Variants in DAB2 observed in about 807,000 individuals in gnomAD.
DAB2 encodes the protein DAB adaptor protein 2.
A neutral mutation model predicts 71.6 loss-of-function variants in DAB2; 28 were observed. The ratio of observed to expected loss-of-function variants is 0.39; its 90% CI spans 0.29 to 0.54. The LOEUF (loss-of-function observed/expected upper bound fraction) is 0.54. Among genes scored for constraint, DAB2 ranks in the 20% least tolerant of loss-of-function variants. DAB2 has a pLI of 0.68. For synonymous variants in DAB2, 345 were observed against 339.7 expected (o/e 1.02, Z -0.17); for missense variants, 867 against 928.8 (o/e 0.93, Z 0.86).
Position 39,394,238 on chromosome 5 carries a change from T to C in DAB2, c.83A>G (p.Lys28Arg). 6.2e-7 allele frequency: 1 copy of C among 1,613,996 alleles called. No homozygotes were observed. Among genetic ancestry groups the C allele is most frequent in the South Asian group, 1.1e-5 (1 of 91,072 alleles). ...AGTGGATTTCTCCATACCTTTCTTT[T>C]TTTCCTTCTTTGAGGGTGCTTTTGG... is the stretch of plus-strand genomic sequence containing the variant. Reference protein sequence around the residue: ...AAPKAPSKKEKKKGPEKTDEY... With the variant: ...AAPKAPSKKERKKGPEKTDEY... Residue 28 changes from lysine to arginine, a missense_variant, in exon 2 of 15, where the codon AAA (lysine) becomes AGA (arginine). Coordinates refer to ENST00000320816, the MANE Select transcript of DAB2 (RefSeq NM_001343.4).
intron 11 of DAB2, among the ~76,000 whole-genome samples, chr5:39,379,106 A>T (rs1208294134): frequency 1.3e-5 from 2 of 152,188 alleles, no homozygotes; most frequent in African/African-American, 4.8e-5. Context: ...ATGTTGGACA[A>T]CTTGTCTTCA....
At chr5:39,418,501 T>C (rs538875838) in intron 1 of DAB2, among the ~76,000 whole-genome samples, 9 of 152,192 alleles carry the variant, frequency 5.9e-5, no homozygotes, top group Admixed American at 6.5e-5. Flanking sequence ...GTGTTCAATA[T>C]GGACACAATT....
At chr5:39,417,563 A>G (rs1366926015) in intron 1 of DAB2, 1 of 152,136 alleles carries the variant, frequency 6.6e-6, no homozygotes, top group Admixed American at 6.5e-5. Context: ...ATTAACACCA[A>G]TGGCCTTTTT....
At chr5:39,390,608 G>T (rs767528697) in intron 4 of DAB2, 33 bp from the exon 5 acceptor site, 1 of 1,553,562 alleles carries the variant, frequency 6.4e-7, no homozygotes, top group Non-Finnish European at 8.8e-7. Context: ...AATTTATTAA[G>T]AAAACTAGAA....
chr5:39,398,387 A>G (rs1375678927), intron 1 of DAB2, among the ~76,000 whole-genome samples: 1 of 152,218 alleles, frequency 6.6e-6, no homozygotes, highest in East Asian at 1.9e-4. Context: ...CTGTTCAGAT[A>G]TTTAAATACA....
intron 1 of DAB2, among the ~76,000 whole-genome samples, chr5:39,402,283 G>A (rs927051201): frequency 1.3e-5 from 2 of 152,200 alleles, no homozygotes; most frequent in Admixed American, 6.5e-5. Context: ...CTAGGTCACA[G>A]AAGCTATGTG....
At chr5:39,392,586 T>G in intron 3 of DAB2, 123 bp from the exon 4 acceptor site, 1 of 680,306 alleles carries the variant, frequency 1.5e-6, no homozygotes. Flanking sequence ...GATGAGAGGA[T>G]TCGGCACTTT....
chr5:39,385,633 C>A (rs1194515076), intron 9 of DAB2, among the ~76,000 whole-genome samples: 1 of 152,148 alleles, frequency 6.6e-6, no homozygotes, highest in African/African-American at 2.4e-5. Flanking sequence ...ACTGGAGACA[C>A]GGCAGTGCGT....
intron 13 of DAB2, 53 bp downstream of exon 13, chr5:39,375,944 G>A (rs1169897735): frequency 5.4e-6 from 7 of 1,289,848 alleles, no homozygotes; most frequent in Non-Finnish European, 7.9e-6. Flanking sequence ...CAGGAGGCTG[G>A]AGCTCTATGT....
chr5:39,383,205 C>T lies in DAB2; in HGVS notation c.754G>A (p.Glu252Lys). The T allele has an allele frequency of 6.2e-7, 1 of 1,613,864 alleles. No homozygotes were observed. Among genetic ancestry groups the T allele is most frequent in the Non-Finnish European group, 8.5e-7 (1 of 1,179,902 alleles). ...EIDTNQNSLRENPFLTNGITS... is the reference protein window; with the variant it reads ...EIDTNQNSLRKNPFLTNGITS... ...ATGCCGTTTGTTAAGAATGGATTTT[C>T]TCTTAAAGAATTCTGATTGGTGTCG... The change falls in exon 10 of 15, where the codon GAA becomes AAA. Residue 252 changes from glutamate to lysine, a missense_variant. Transcript: ENST00000320816.
At chr5:39,410,629 C>G (rs1023222712) in intron 1 of DAB2, among the ~76,000 whole-genome samples, 1 of 151,934 alleles carries the variant, frequency 6.6e-6, no homozygotes, top group African/African-American at 2.4e-5. Flanking sequence ...GTTTTCTAAG[C>G]TGTAAAGACT....
Position 39,389,930 on chromosome 5 carries a change from A to G in DAB2, c.465T>C (p.Ala155=), listed in dbSNP as rs780503981. The G allele has an allele frequency of 1.3e-5, 21 of 1,579,620 alleles. No individual in the cohort carries two copies. Among genetic ancestry groups the G allele is most frequent in the Non-Finnish European group, 1.8e-5 (21 of 1,160,520 alleles). Residue 155 remains alanine, a splice_region_variant and synonymous_variant, in exon 6 of 15, where the codon GCT becomes GCC. Transcript: ENST00000320816. ...QFFAIKTGQQ[A]EPLVVDLKDL... Reference sequence around the variant, plus strand: ...CTTTAAGATCAACAACTAATGGTTCAGCCTGCAGTAAGGGAAAGCACTGTT... The same window carrying G: ...CTTTAAGATCAACAACTAATGGTTCGGCCTGCAGTAAGGGAAAGCACTGTT...
chr5:39,395,389 C>A (rs1188001128), intron 1 of DAB2, among the ~76,000 whole-genome samples: 1 of 152,176 alleles, frequency 6.6e-6, no homozygotes, highest in Non-Finnish European at 1.5e-5. Context: ...CAACAAAAGC[C>A]CTCTTCATTC....
In DAB2 at chr5:39,394,368, C is replaced by T. The variant is rs751252346; in HGVS notation, c.-48G>A. 1 of 1,386,192 alleles carries T rather than the reference C, an allele frequency of 7.2e-7. No individual in the cohort carries two copies. Among genetic ancestry groups the T allele is most frequent in the Admixed American group, 1.7e-5 (1 of 59,706 alleles). 85.9% of individuals were successfully genotyped at this position (1,386,192 alleles called of 1,614,324 possible). Reference sequence around the variant, plus strand: ...CTCAGTACCAGTGGACACTTGGTGACACCAGGCGATCCCGATGGAGAAGTC... The same window carrying T: ...CTCAGTACCAGTGGACACTTGGTGATACCAGGCGATCCCGATGGAGAAGTC... On this transcript the variant is annotated 5_prime_UTR_variant, in exon 2 of 15. Transcript: ENST00000320816.
At chr5:39,384,368 A>G (rs1182488955) in intron 9 of DAB2, among the ~76,000 whole-genome samples, 1 of 152,234 alleles carries the variant, frequency 6.6e-6, no homozygotes, top group Non-Finnish European at 1.5e-5. Context: ...TTATAACAAT[A>G]TGCTGTAATA....
At chr5:39,417,305 A>T (rs796288104) in intron 1 of DAB2, 1 of 143,844 alleles carries the variant, frequency 7.0e-6, no homozygotes, top group Non-Finnish European at 1.5e-5. Flanking sequence ...AAAATAAAAA[A>T]AAAAAATCAA....
chr5:39,374,511 C>T (rs1348846115), intron 14 of DAB2, among the ~76,000 whole-genome samples: 1 of 152,166 alleles, frequency 6.6e-6, no homozygotes, highest in Non-Finnish European at 1.5e-5. Context: ...TTAAAACTTT[C>T]AGATTTAATA....
intron 14 of DAB2, 95 bp downstream of exon 14, chr5:39,374,919 C>T: frequency 2.5e-6 from 2 of 808,300 alleles, no homozygotes; most frequent in East Asian, 4.9e-5. Flanking sequence ...TATTTACCCT[C>T]TTCCCAATTC....
In DAB2 at chr5:39,376,797, G is replaced by A; in HGVS notation, c.1990C>T (p.Pro664Ser). The A allele has an allele frequency of 8.1e-6, 13 of 1,614,162 alleles. No individual in the cohort carries two copies. The highest frequency in any genetic ancestry group is 1.1e-5 in the Non-Finnish European group (13 of 1,180,022). ...MFKDFQLRQP[P>S]AVPARKGEQT... ...TCTCCCTTCCGCGCGGGCACAGCAG[G>A]TGGCTGCCGCAGTTGGAAATCCTTA... The change falls in exon 12 of 15, where the codon CCT (proline) becomes TCT (serine). Residue 664 changes from proline (P) to serine (S), a missense_variant. Physicochemically the swap from Pro to Ser is moderately conservative, Grantham distance 74 (BLOSUM62 -1). Transcript: ENST00000320816.
Sources: gnomAD v4.1 joint callset for allele counts (sites outside exome capture counted in the v4.1 genomes callset) on GRCh38, gnomAD v4.1.1 for gene constraint, MANE v1.5 for transcripts, NCBI Gene and HGNC (gene_info 2026-07-23, HGNC 2026-07-21) for gene names.